The following SLC24A2 variants were observed in gnomAD, a reference collection of about 807,000 sequenced individuals.
SLC24A2 encodes solute carrier family 24 member 2, also known as sodium/potassium/calcium exchanger 2.
A neutral mutation model predicts 62.0 loss-of-function variants in SLC24A2; 36 were observed. The observed-to-expected ratio is 0.58, with a 90% confidence interval of 0.44 to 0.77. The LOEUF (loss-of-function observed/expected upper bound fraction) is 0.77, where lower values mean the gene tolerates loss of function less well. Ranked by LOEUF, SLC24A2 falls within the 30% of genes least tolerant of loss-of-function variation. The pLI, the probability that SLC24A2 is intolerant of heterozygous loss-of-function variation, is 0.00. For missense variants in SLC24A2, 846 were observed against 817.9 expected, an observed-to-expected ratio of 1.03 and a Z score of -0.42; for synonymous variants, 358 against 294.0, an observed-to-expected ratio of 1.22 and a Z score of -2.23.
intron 2 of SLC24A2, among the ~76,000 whole-genome samples, chr9:19,675,704 T>C (rs1303575053): frequency 6.6e-6 from 1 of 152,070 alleles, no homozygotes; most frequent in Non-Finnish European, 1.5e-5. Flanking sequence ...GCTCCTACCG[T>C]GCCCCCACAA....
At chr9:19,746,229 G>C (rs948126012) in intron 2 of SLC24A2, among the ~76,000 whole-genome samples, 1 of 151,780 alleles carries the variant, frequency 6.6e-6, no homozygotes, top group Admixed American at 6.6e-5. Context: ...ACAACTTTCC[G>C]ATGGGACCAT....
At chr9:20,224,061 G>C in the SLC24A2 span, among the ~76,000 whole-genome samples, 269 of 152,038 alleles carry the variant, frequency 1.8e-3, 1 homozygote, top group African/African-American at 5.8e-3. Context: ...AACAAAAACA[G>C]CATGAGGAAA....
intron 8 of SLC24A2, among the ~76,000 whole-genome samples, chr9:19,548,189 G>C (rs1037244823): frequency 2.0e-5 from 3 of 148,692 alleles, no homozygotes; most frequent in Admixed American, 6.6e-5. Context: ...TTCAAATGAA[G>C]GAGCTCTTGA....
At chr9:20,002,881 T>A in the SLC24A2 span, among the ~76,000 whole-genome samples, 4 of 152,148 alleles carry the variant, frequency 2.6e-5, no homozygotes, top group African/African-American at 9.7e-5. Flanking sequence ...TCCACACACA[T>A]CCTCCACCTA....
At chr9:19,682,922 A>T (rs189546773) in intron 2 of SLC24A2, among the ~76,000 whole-genome samples, 1 of 152,244 alleles carries the variant, frequency 6.6e-6, no homozygotes, top group East Asian at 1.9e-4. Context: ...GTACTGTCTC[A>T]GAGTGAGATG....
chr9:19,645,659 G>T (rs1418929405), intron 2 of SLC24A2, among the ~76,000 whole-genome samples: 1 of 152,098 alleles, frequency 6.6e-6, no homozygotes, highest in African/African-American at 2.4e-5. Flanking sequence ...TGGGGGTGGG[G>T]ACAGTGGAGG....
chr9:20,241,236 A>G, the SLC24A2 span, among the ~76,000 whole-genome samples: 2 of 152,360 alleles, frequency 1.3e-5, no homozygotes, highest in South Asian at 4.1e-4. Flanking sequence ...AATTACTCCC[A>G]TAGACTTATA....
At chr9:20,004,469 A>T in the SLC24A2 span, among the ~76,000 whole-genome samples, 1 of 152,218 alleles carries the variant, frequency 6.6e-6, no homozygotes, top group East Asian at 1.9e-4. Context: ...CTATCTTATC[A>T]TGAATCCATC....
chr9:19,822,350 A>T, the SLC24A2 span, among the ~76,000 whole-genome samples: 2 of 152,148 alleles, frequency 1.3e-5, no homozygotes, highest in Non-Finnish European at 2.9e-5. Context: ...GGCTTAGACT[A>T]AAAATATATA....
At chr9:19,701,982 A>T (rs1232775352) in intron 2 of SLC24A2, among the ~76,000 whole-genome samples, 1 of 152,242 alleles carries the variant, frequency 6.6e-6, no homozygotes, top group Non-Finnish European at 1.5e-5. Context: ...TACAAGGTAC[A>T]TAGAGTCAGA....
intron 2 of SLC24A2, among the ~76,000 whole-genome samples, chr9:19,740,334 C>A (rs892864708): frequency 6.6e-6 from 1 of 152,148 alleles, no homozygotes; most frequent in African/African-American, 2.4e-5. Flanking sequence ...GCCAATTGTA[C>A]ATCAATGGTA....
chr9:19,926,994 T>C, the SLC24A2 span: 1 of 152,272 alleles, frequency 6.6e-6, no homozygotes, highest in Non-Finnish European at 1.5e-5. Context: ...GTCTGTGTTC[T>C]CCTTGAGGCA....
chr9:19,544,641 T>C (rs1834458161), intron 8 of SLC24A2, among the ~76,000 whole-genome samples: 1 of 152,204 alleles, frequency 6.6e-6, no homozygotes, highest in Non-Finnish European at 1.5e-5. Flanking sequence ...ACAAAATCTC[T>C]CGGCATTTGC....
At chr9:19,716,982 T>C (rs137933192) in intron 2 of SLC24A2, among the ~76,000 whole-genome samples, 1 of 152,332 alleles carries the variant, frequency 6.6e-6, no homozygotes, top group South Asian at 2.1e-4. Context: ...CCACTGCTCC[T>C]TTCTCCCCCA....
the SLC24A2 span, among the ~76,000 whole-genome samples, chr9:19,992,767 A>G: frequency 2.6e-5 from 4 of 152,200 alleles, no homozygotes; most frequent in Non-Finnish European, 5.9e-5. Flanking sequence ...CCAGCTGCAC[A>G]AGTATGTGGT....
chr9:20,022,229 C>T, the SLC24A2 span, among the ~76,000 whole-genome samples: 30 of 152,094 alleles, frequency 2.0e-4, no homozygotes, highest in Admixed American at 2.0e-4. Flanking sequence ...ATACCACCCA[C>T]GAAATCTGTT....
the SLC24A2 span, among the ~76,000 whole-genome samples, chr9:19,947,808 AAAAGAAAGAAAG>A: frequency 8.6e-4 from 51 of 59,268 alleles, no homozygotes; most frequent in East Asian, 3.9e-3. Context: ...AAAAAAAAAA[AAAAGAAAGAAAG>A]AAAGAAAGAA....
the SLC24A2 span, among the ~76,000 whole-genome samples, chr9:20,072,603 G>C: frequency 2.6e-5 from 4 of 151,908 alleles, no homozygotes; most frequent in African/African-American, 9.7e-5. Context: ...GATTAAGTCA[G>C]ATATCTTGAG....
the SLC24A2 span, among the ~76,000 whole-genome samples, chr9:20,024,009 A>G: frequency 6.6e-6 from 1 of 152,236 alleles, no homozygotes; most frequent in Non-Finnish European, 1.5e-5. Flanking sequence ...GCCTTTAATT[A>G]GCTGCATTTC....
Sources: gnomAD v4.1 joint callset for allele counts (sites outside exome capture counted in the v4.1 genomes callset) on GRCh38, gnomAD v4.1.1 for gene constraint, MANE v1.5 for transcripts, NCBI Gene and HGNC (gene_info 2026-07-23, HGNC 2026-07-21) for gene names.